IQCM: variants seen among roughly 807,000 people sequenced by gnomAD.
The protein encoded by IQCM is IQ motif containing M.
In IQCM, 45 loss-of-function variants were observed where a neutral mutation model predicts 57.6. The ratio of observed to expected loss-of-function variants is 0.78; its 90% CI spans 0.62 to 1.00. The LOEUF (loss-of-function observed/expected upper bound fraction) is 1.00. Among genes scored for constraint, IQCM ranks in the 50% least tolerant of loss-of-function variants. IQCM has a pLI of 0.00. For missense variants in IQCM, 468 were observed against 511.6 expected (o/e 0.91, Z 0.82); for synonymous variants, 148 against 158.9 (o/e 0.93, Z 0.51).
rs546267528 is a variant in IQCM, at chr4:149,689,959, G to A, written c.386-3491C>T. On this transcript the variant is annotated intron_variant, in intron 5 of 13. Transcript: ENST00000636793. Reference sequence around the variant, plus strand: ...GATCAGGGAACACTTCTACACTGCTGGTGGGAATGTAAACTAATACAGCCA... The same window carrying A: ...GATCAGGGAACACTTCTACACTGCTAGTGGGAATGTAAACTAATACAGCCA... 1.1e-4 allele frequency among the ~76,000 whole-genome samples: 17 copies of A among 152,230 alleles called. No individual in the cohort carries two copies. In the South Asian group the frequency reaches 3.3e-3, roughly 30 times the overall value.
At chr4:149,549,512 C>T (rs554244030) in intron 11 of IQCM, among the ~76,000 whole-genome samples, 140 of 151,872 alleles carry the variant, frequency 9.2e-4, no homozygotes, top group African/African-American at 3.2e-3. Flanking sequence ...AGCGAGACTC[C>T]GTCTCAAAAA....
chr4:149,379,790 G>T (rs1730951317), intron 13 of IQCM, among the ~76,000 whole-genome samples: 1 of 152,148 alleles, frequency 6.6e-6, no homozygotes, highest in Admixed American at 6.6e-5. Context: ...GAAATGTGAA[G>T]ATATGAGATT....
intron 12 of IQCM, among the ~76,000 whole-genome samples, chr4:149,499,976 A>T (rs1441113438): frequency 2.6e-5 from 4 of 152,204 alleles, no homozygotes; most frequent in African/African-American, 9.6e-5. Context: ...CTCCATTGTA[A>T]GAATACATAG....
intron 8 of IQCM, among the ~76,000 whole-genome samples, chr4:149,589,879 C>T (rs983175808): frequency 6.6e-6 from 1 of 151,956 alleles, no homozygotes; most frequent in Non-Finnish European, 1.5e-5. Context: ...ATTTTCATGG[C>T]TATAAAAATA....
At chr4:149,381,966 G>A (rs895197726) in intron 13 of IQCM, among the ~76,000 whole-genome samples, 5 of 151,994 alleles carry the variant, frequency 3.3e-5, no homozygotes, top group Non-Finnish European at 5.9e-5. Context: ...TAGAGATGGG[G>A]TTTCACCCTG....
intron 12 of IQCM, among the ~76,000 whole-genome samples, chr4:149,534,067 T>C (rs934288930): frequency 6.6e-6 from 1 of 152,152 alleles, no homozygotes; most frequent in Non-Finnish European, 1.5e-5. Context: ...TGATGTTATA[T>C]TGATTATCCT....
At chr4:149,663,008 T>A (rs1028947982) in intron 7 of IQCM, among the ~76,000 whole-genome samples, 1 of 152,000 alleles carries the variant, frequency 6.6e-6, no homozygotes, top group Non-Finnish European at 1.5e-5. Flanking sequence ...CTCTCTAGAT[T>A]GGTGGTTTTT....
chr4:149,719,612 A>G (rs1765279541), intron 5 of IQCM, among the ~76,000 whole-genome samples: 1 of 152,158 alleles, frequency 6.6e-6, no homozygotes, highest in African/African-American at 2.4e-5. Context: ...AGATATAAAC[A>G]ATGTCATCAG....
intron 2 of IQCM, among the ~76,000 whole-genome samples, chr4:149,743,935 C>A (rs757846556): frequency 9.2e-5 from 14 of 152,132 alleles, no homozygotes; most frequent in Non-Finnish European, 1.9e-4. Flanking sequence ...TCCATGGAGA[C>A]CCTTGTTCTA....
chr4:149,462,859 T>A (rs775005440), intron 12 of IQCM, among the ~76,000 whole-genome samples: 85 of 152,212 alleles, frequency 5.6e-4, no homozygotes, highest in Admixed American at 3.5e-3. Flanking sequence ...TGCTAGTCTC[T>A]GCAGGAGAAC....
chr4:149,468,078 C>A (rs537028464), intron 12 of IQCM, among the ~76,000 whole-genome samples: 1 of 152,114 alleles, frequency 6.6e-6, no homozygotes, highest in Non-Finnish European at 1.5e-5. Flanking sequence ...GCGTGAGTGA[C>A]GCAGAAGATG....
intron 13 of IQCM, among the ~76,000 whole-genome samples, chr4:149,429,616 T>A (rs1391059972): frequency 6.6e-6 from 1 of 151,942 alleles, no homozygotes; most frequent in African/African-American, 2.4e-5. Context: ...TTGATAGATC[T>A]CTGAATTTAC....
intron 2 of IQCM, among the ~76,000 whole-genome samples, chr4:149,765,107 C>A (rs966867608): frequency 3.9e-5 from 6 of 152,178 alleles, no homozygotes; most frequent in East Asian, 1.9e-4. Flanking sequence ...AAAAAAATTT[C>A]TTTATGAACT....
At chr4:149,517,374 A>G in intron 12 of IQCM, among the ~76,000 whole-genome samples, 1 of 152,114 alleles carries the variant, frequency 6.6e-6, no homozygotes, top group East Asian at 1.9e-4. Context: ...AGATTTATTG[A>G]CTTCTTATCA....
At chr4:149,593,968 T>G (rs1324308656) in intron 8 of IQCM, among the ~76,000 whole-genome samples, 1 of 152,228 alleles carries the variant, frequency 6.6e-6, no homozygotes, top group African/African-American at 2.4e-5. Context: ...GATGCTGGCC[T>G]CATCAAATGA....
At chr4:149,797,856 A>T (rs1427167515) in intron 2 of IQCM, among the ~76,000 whole-genome samples, 1 of 152,022 alleles carries the variant, frequency 6.6e-6, no homozygotes, top group African/African-American at 2.4e-5. Context: ...TTAAACATGA[A>T]GGAGAAATAA....
intron 12 of IQCM, among the ~76,000 whole-genome samples, chr4:149,537,833 T>TA (rs1248572800): frequency 2.6e-5 from 4 of 151,434 alleles, no homozygotes; most frequent in South Asian, 2.1e-4. Flanking sequence ...GACTGAAAAA[T>TA]AAAAAATTGG....
At chr4:149,596,042 A>G (rs41319745) in intron 8 of IQCM, among the ~76,000 whole-genome samples, 23,895 of 152,150 alleles carry the variant, frequency 0.16, 2,227 homozygotes, top group South Asian at 0.33. Flanking sequence ...CACTAGAGAA[A>G]ATTTCTTTAA....
intron 12 of IQCM, among the ~76,000 whole-genome samples, chr4:149,528,243 C>A (rs547402332): frequency 6.6e-6 from 1 of 152,058 alleles, no homozygotes; most frequent in African/African-American, 2.4e-5. Flanking sequence ...ACCTTGGCCT[C>A]CCAAAGTGCT....
Sources: gnomAD v4.1 joint callset for allele counts (sites outside exome capture counted in the v4.1 genomes callset) on GRCh38, gnomAD v4.1.1 for gene constraint, MANE v1.5 for transcripts, NCBI Gene and HGNC (gene_info 2026-07-23, HGNC 2026-07-21) for gene names.